Variants in MTR observed in about 807,000 individuals in gnomAD.
The protein encoded by MTR is methionine synthase.
MTR carries 84 observed loss-of-function variants against 154.8 expected under a neutral mutation model. The ratio of observed to expected loss-of-function variants is 0.54; its 90% confidence interval spans 0.45 to 0.65. The LOEUF (loss-of-function observed/expected upper bound fraction) is 0.65. MTR is among the 30% of genes least tolerant of loss of function. The pLI is 0.00. For synonymous variants in MTR, 554 were observed against 553.9 expected, an observed-to-expected ratio of 1.00 and a Z score of 0.00; for missense variants, 1,275 against 1,570.2, an observed-to-expected ratio of 0.81 and a Z score of 3.18.
chr1:236,853,547 A>C (rs1302319084), intron 18 of MTR, among the ~76,000 whole-genome samples: 1 of 152,218 alleles, frequency 6.6e-6, no homozygotes, highest in African/African-American at 2.4e-5. Context: ...TTTTACAAAA[A>C]TAGAACTATA....
At chr1:236,827,646 C>T (rs945392810) in intron 11 of MTR, among the ~76,000 whole-genome samples, 4 of 152,110 alleles carry the variant, frequency 2.6e-5, no homozygotes, top group Non-Finnish European at 4.4e-5. Flanking sequence ...ATCTTGAGGT[C>T]AGGAGAAGTG....
intron 5 of MTR, among the ~76,000 whole-genome samples, chr1:236,810,836 C>T (rs554233831): frequency 1.3e-5 from 2 of 152,244 alleles, no homozygotes; most frequent in South Asian, 4.2e-4. Context: ...GTTAATGCTG[C>T]TTTGTCAGCT....
At chr1:236,851,593 T>C (rs1663908805) in intron 16 of MTR, among the ~76,000 whole-genome samples, 1 of 152,256 alleles carries the variant, frequency 6.6e-6, no homozygotes, top group Admixed American at 6.5e-5. Context: ...CATAGGAACC[T>C]AGCCCTGTAT....
intron 22 of MTR, among the ~76,000 whole-genome samples, chr1:236,869,560 A>G (rs555001467): frequency 1.3e-5 from 2 of 152,318 alleles, no homozygotes. Context: ...ATTCATTTTT[A>G]TTCTCTTTAG....
chr1:236,808,301 G>A (rs1209404453), intron 3 of MTR, among the ~76,000 whole-genome samples: 1 of 152,160 alleles, frequency 6.6e-6, no homozygotes, highest in Non-Finnish European at 1.5e-5. Flanking sequence ...GTTGCTGTGG[G>A]AACTGCCTGG....
rs1471450277 is a variant in MTR at position 236,898,948 on chromosome 1, G to A, written c.*1304G>A. The A allele has an allele frequency of 6.6e-6, 1 of 152,156 alleles. No individual in the cohort carries two copies. Among genetic ancestry groups the A allele is most frequent in the Non-Finnish European group, 1.5e-5 (1 of 68,032 alleles). The allele number at this position is 152,156 out of a possible 1,614,324, so 9.4% of individuals were successfully genotyped here. On this transcript the variant is annotated 3_prime_UTR_variant, in exon 33 of 33. Transcript: ENST00000366577. ...TTGCAGTTATTTCAAAAATTTGCAT[G>A]CAAAATATACACTCATCCTACTTCA...
At chr1:236,847,274 A>G (rs1387167596) in intron 15 of MTR, among the ~76,000 whole-genome samples, 1 of 152,144 alleles carries the variant, frequency 6.6e-6, no homozygotes, top group Admixed American at 6.5e-5. Context: ...CTTCAGTTCG[A>G]TTTTAAAACT....
intron 3 of MTR, 136 bp from the exon 4 acceptor site, chr1:236,808,568 G>T: frequency 1.1e-6 from 1 of 882,528 alleles, no homozygotes; most frequent in Non-Finnish European, 1.9e-6. Flanking sequence ...GCTTGGCTAA[G>T]ATTTCACTCA....
At chr1:236,844,430 G>A (rs1406148597) in intron 15 of MTR, among the ~76,000 whole-genome samples, 2 of 151,180 alleles carry the variant, frequency 1.3e-5, no homozygotes, top group Non-Finnish European at 3.0e-5. Flanking sequence ...AAACCAGGGG[G>A]GAAATACGAG....
chr1:236,857,275 T>A (rs1220601291), intron 18 of MTR, among the ~76,000 whole-genome samples: 1 of 152,174 alleles, frequency 6.6e-6, no homozygotes, highest in Non-Finnish European at 1.5e-5. Context: ...CTCCCTCCTC[T>A]CCTTCTTAGT....
rs886046238 is a variant in MTR, at chr1:236,899,920, G to A, written c.*2276G>A. The A allele has an allele frequency of 8.1e-5, 13 of 160,458 alleles. No individual in the cohort carries two copies. The highest frequency in any genetic ancestry group is 2.4e-5 in the African/African-American group (1 of 41,722). 9.9% of individuals were successfully genotyped at this position (160,458 alleles called of 1,614,324 possible). On this transcript the variant is annotated 3_prime_UTR_variant, in exon 33 of 33. Coordinates refer to ENST00000366577, the MANE Select transcript of MTR (RefSeq NM_000254.3). ...TATCCATAAGATTTGCAAAGGTTGG[G>A]TCTGACAGTACCAGTTGTTAGATCT...
chr1:236,879,542 G>C (rs1665613731), intron 24 of MTR, among the ~76,000 whole-genome samples: 1 of 152,188 alleles, frequency 6.6e-6, no homozygotes, highest in Non-Finnish European at 1.5e-5. Flanking sequence ...CCATCTCATG[G>C]GGACTGCTGC....
intron 29 of MTR, among the ~76,000 whole-genome samples, chr1:236,893,826 C>T (rs1312879803): frequency 6.6e-6 from 1 of 152,066 alleles, no homozygotes; most frequent in African/African-American, 2.4e-5. Flanking sequence ...TCAGCCGGCT[C>T]CTGTATGACC....
chr1:236,806,368 GA>G lies in MTR; in HGVS notation c.339+139del, dbSNP rs1660986122. On this transcript the variant is annotated intron_variant, in intron 3 of 32. Coordinates refer to ENST00000366577, the MANE Select transcript of MTR (RefSeq NM_000254.3). ...TATCTGTTGTTTATGATGAGACAGG[GA>G]AAATGGTGTGAATCCTTCCAGCTTG... is the stretch of plus-strand genomic sequence containing the variant. The G allele has an allele frequency of 1.0e-5, 8 of 766,846 alleles. No individual in the cohort carries two copies. In the East Asian group the frequency reaches 1.9e-4, roughly 18 times the overall value. 47.5% of individuals were successfully genotyped at this position (766,846 alleles called of 1,614,324 possible).
intron 24 of MTR, among the ~76,000 whole-genome samples, chr1:236,878,657 T>A (rs769869546): frequency 1.3e-5 from 2 of 152,182 alleles, no homozygotes; most frequent in Non-Finnish European, 2.9e-5. Context: ...GTTTATGAAT[T>A]TGTATTGGGC....
At chr1:236,813,714 T>C (rs567506571) in intron 6 of MTR, among the ~76,000 whole-genome samples, 40 of 152,224 alleles carry the variant, frequency 2.6e-4, no homozygotes, top group Non-Finnish European at 4.3e-4. Context: ...TATTGGACTT[T>C]GGCTTTTTAA....
chr1:236,868,948 A>AT (rs1017259598), intron 22 of MTR, among the ~76,000 whole-genome samples: 74 of 152,206 alleles, frequency 4.9e-4, no homozygotes, highest in Non-Finnish European at 9.4e-4. Context: ...CAATTTGTTT[A>AT]TTTTTTTTAA....
In MTR at chr1:236,797,397, A is replaced by G. The variant is rs72762109; in HGVS notation, c.34+1660A>G. 4.7e-3 allele frequency among the ~76,000 whole-genome samples: 715 copies of G among 152,278 alleles called. 5 individuals carry two copies. The highest frequency in any genetic ancestry group is 0.01 in the South Asian group (49 of 4,818). On this transcript the variant is annotated intron_variant, in intron 1 of 32. Transcript: ENST00000366577. ...GGGGAAGGAGGATGGTGGGCTAGCA[A>G]ATACATCTTGGGAGAAAATTTTAAC...
chr1:236,854,845 T>A (rs1390518234), intron 18 of MTR, among the ~76,000 whole-genome samples: 1 of 152,250 alleles, frequency 6.6e-6, no homozygotes, highest in Non-Finnish European at 1.5e-5. Flanking sequence ...CATGCTGAGC[T>A]GCCAAGAGGT....
Sources: allele counts gnomAD v4.1 joint callset (sites outside exome capture counted in the v4.1 genomes callset), GRCh38; gene constraint gnomAD v4.1.1; transcripts MANE v1.5; gene names NCBI Gene and HGNC (gene_info 2026-07-23, HGNC 2026-07-21).